The following COL5A1 variants were observed in gnomAD, a reference collection of about 807,000 sequenced individuals.
The protein encoded by COL5A1 is collagen alpha-1(V) chain.
Under a neutral mutation model 263.7 loss-of-function variants are expected in COL5A1, and 16 were observed. The ratio of observed to expected loss-of-function variants is 0.06; its 90% CI spans 0.04 to 0.09. COL5A1 has a LOEUF of 0.09. Among genes scored for constraint, COL5A1 ranks in the 10% least tolerant of loss-of-function variants. COL5A1 has a pLI of 1.00. For missense variants in COL5A1, 2,036 were observed against 2,540.5 expected, an observed-to-expected ratio of 0.80 and a Z score of 4.27; for synonymous variants, 1,012 against 1,004.5, an observed-to-expected ratio of 1.01 and a Z score of -0.14.
At chr9:134,805,238 C>G in intron 41 of COL5A1, 24 bp downstream of exon 41, 1 of 1,613,416 alleles carries the variant, frequency 6.2e-7, no homozygotes, top group Non-Finnish European at 8.5e-7. Flanking sequence ...TTTGTCCCAT[C>G]CTCTTTCTTG....
chr9:134,828,435 A>G (rs1170976568), intron 63 of COL5A1, among the ~76,000 whole-genome samples: 1 of 92,552 alleles, frequency 1.1e-5, no homozygotes, highest in Admixed American at 1.1e-4. Flanking sequence ...GGAAGGTTCT[A>G]CCACACACAC....
chr9:134,673,459 C>CA (rs35466442), intron 1 of COL5A1, among the ~76,000 whole-genome samples: 28,569 of 102,844 alleles, frequency 0.28, 3,136 homozygotes, highest in Admixed American at 0.34. Flanking sequence ...GACTCCATCT[C>CA]AAAAAAAAAA....
chr9:134,708,623 G>A (rs774619113), intron 4 of COL5A1: 2 of 518,788 alleles, frequency 3.9e-6, no homozygotes, highest in African/African-American at 3.8e-5. Flanking sequence ...CCTGGCAGCG[G>A]AACACCAGCA....
chr9:134,812,780 G>GTA, intron 48 of COL5A1, 68 bp downstream of exon 48: 1 of 1,062,706 alleles, frequency 9.4e-7, no homozygotes, highest in Non-Finnish European at 1.4e-6. Context: ...GTGTCTGTGT[G>GTA]TGTGTGTCTG....
intron 34 of COL5A1, 23 bp from the exon 35 acceptor site, chr9:134,796,351 C>A: frequency 1.2e-6 from 2 of 1,612,392 alleles, no homozygotes; most frequent in Admixed American, 3.3e-5. Context: ...ATAAGCTTTT[C>A]CCCCCTCTCC....
intron 25 of COL5A1, among the ~76,000 whole-genome samples, chr9:134,772,495 G>C (rs1239652627): frequency 2.0e-5 from 3 of 152,216 alleles, no homozygotes; most frequent in Non-Finnish European, 2.9e-5. Context: ...CTGTGCACTT[G>C]GGGGTTGCTG....
chr9:134,760,508 G>GCA, intron 18 of COL5A1, among the ~76,000 whole-genome samples: 1 of 42,980 alleles, frequency 2.3e-5, no homozygotes, highest in East Asian at 1.1e-3. Flanking sequence ...ATGCACACAC[G>GCA]CATACACACC....
intron 42 of COL5A1, among the ~76,000 whole-genome samples, chr9:134,807,898 G>T (rs2132835119): frequency 6.6e-6 from 1 of 152,260 alleles, no homozygotes; most frequent in Non-Finnish European, 1.5e-5. Flanking sequence ...AAATATTTGA[G>T]CAGAAACCTT....
chr9:134,647,627 G>A lies in COL5A1; in HGVS notation c.109+5331G>A, dbSNP rs1229595298. 1.3e-5 allele frequency among the ~76,000 whole-genome samples: 2 copies of A among 152,216 alleles called. No homozygotes were observed. Among genetic ancestry groups the A allele is most frequent in the African/African-American group, 4.8e-5 (2 of 41,462 alleles). On this transcript the variant is annotated intron_variant, in intron 1 of 65. Transcript: ENST00000371817. This position sits in a 1 kb window ranked among gnomAD's most constrained non-coding sequence, Gnocchi z 5.0. Reference sequence around the variant, plus strand: ...TACCGTGACCCGGCCCCAGCTGGACGGGAGAGGAGGAGATGGCACGTGGAA... The same window carrying A: ...TACCGTGACCCGGCCCCAGCTGGACAGGAGAGGAGGAGATGGCACGTGGAA...
Position 134,802,946 on chromosome 9 carries a change from C to T in COL5A1, c.3065C>T (p.Pro1022Leu). The change falls in exon 39 of 66, where the codon CCC becomes CTC. Residue 1022 changes from proline (P) to leucine (L), a missense_variant. Physicochemically the swap from Pro to Leu is moderately conservative, Grantham distance 98 (BLOSUM62 -3). Transcript: ENST00000371817. ...CGTGGCCACCCTGGGCCCCCTGGAC[C>T]CCCCGGTGAACAGGGGCTTCCGGGC... ...GERGHPGPPG[P>L]PGEQGLPGLA... 1.2e-6 allele frequency: 2 copies of T among 1,611,336 alleles called. No homozygotes were observed. Among genetic ancestry groups the T allele is most frequent in the South Asian group, 1.1e-5 (1 of 90,446 alleles).
chr9:134,713,912 C>A (rs2132604319), intron 4 of COL5A1, among the ~76,000 whole-genome samples: 1 of 152,280 alleles, frequency 6.6e-6, no homozygotes, highest in Admixed American at 6.5e-5. Flanking sequence ...GAGACCACAG[C>A]AGACTGAGAC....
In COL5A1 at chr9:134,715,977, C is replaced by CTGG. The variant is rs58511351; in HGVS notation, c.655-11262_655-11260dup. 1.1e-3 allele frequency among the ~76,000 whole-genome samples: 167 copies of CTGG among 149,684 alleles called. 1 individual carries two copies. The highest frequency in any genetic ancestry group is 3.6e-3 in the African/African-American group (145 of 40,696). ...GGTAGTGATGAAGATGATGGTGATG[C>CTGG]TGGTGGTGGTGGTGGTGGTGGTGGT... On this transcript the variant is annotated intron_variant, in intron 4 of 65. Coordinates refer to ENST00000371817, the MANE Select transcript of COL5A1 (RefSeq NM_000093.5).
chr9:134,679,658 TGGG>T (rs1165230896), intron 1 of COL5A1, among the ~76,000 whole-genome samples: 9 of 26,448 alleles, frequency 3.4e-4, no homozygotes, highest in Non-Finnish European at 5.6e-4. Context: ...CGGGGCTGGT[TGGG>T]GGCACTGCGG....
rs564736414 is a variant in COL5A1 at position 134,778,945 on chromosome 9, G to A, written c.2386-1157G>A. 4.6e-5 allele frequency among the ~76,000 whole-genome samples: 7 copies of A among 152,368 alleles called. No individual in the cohort carries two copies. The South Asian group carries it at 1.2e-3, about 27-fold the overall frequency. Reference sequence around the variant, plus strand: ...CAGCTCCTTGGCAGAGCCAGGGCACGCAGCCCAAGGCCAGCCACCTCTGCA... The same window carrying A: ...CAGCTCCTTGGCAGAGCCAGGGCACACAGCCCAAGGCCAGCCACCTCTGCA... On this transcript the variant is annotated intron_variant, in intron 27 of 65. Coordinates refer to ENST00000371817, the MANE Select transcript of COL5A1 (RefSeq NM_000093.5).
rs1831530244 is a variant in COL5A1 at position 134,647,908 on chromosome 9, TGTG to T, written c.109+5618_109+5620del. Among the ~76,000 whole-genome samples the T allele has an allele frequency of 6.6e-6, 1 of 152,208 alleles. No individual in the cohort carries two copies. The highest frequency in any genetic ancestry group is 2.4e-5 in the African/African-American group (1 of 41,456). On this transcript the variant is annotated intron_variant, in intron 1 of 65. Transcript: ENST00000371817. This position sits in a 1 kb window ranked among gnomAD's most constrained non-coding sequence, Gnocchi z 5.0. ...TGCAGGCGGAGCCCACAGCGGCCCT[TGTG>T]GTGGTTACTACTGAGTGTCAATTTG...
At chr9:134,814,136 C>A in intron 49 of COL5A1, 100 bp downstream of exon 49, 1 of 1,225,448 alleles carries the variant, frequency 8.2e-7, no homozygotes, top group Non-Finnish European at 1.2e-6. Flanking sequence ...GCTTTTCCAT[C>A]CACGAAATGG....
At chr9:134,760,157 GCA>G (rs1181420325) in intron 18 of COL5A1, among the ~76,000 whole-genome samples, 3 of 83,148 alleles carry the variant, frequency 3.6e-5, no homozygotes, top group South Asian at 4.3e-4. Flanking sequence ...CACCACACAT[GCA>G]CACACATACA....
At chr9:134,668,777 C>G (rs1832433285) in intron 1 of COL5A1, among the ~76,000 whole-genome samples, 1 of 151,920 alleles carries the variant, frequency 6.6e-6, no homozygotes, top group Non-Finnish European at 1.5e-5. Context: ...TCCATGTGTC[C>G]ATATACTCAT....
At chr9:134,808,614 CTTG>C (rs1838388692) in intron 42 of COL5A1, among the ~76,000 whole-genome samples, 1 of 151,980 alleles carries the variant, frequency 6.6e-6, no homozygotes, top group African/African-American at 2.4e-5. Context: ...TGCGAGTATG[CTTG>C]TTTTGTGCAC....
Sources: gnomAD v4.1 joint callset for allele counts (sites outside exome capture counted in the v4.1 genomes callset) on GRCh38, gnomAD v4.1.1 for gene constraint, Gnocchi (gnomAD v3.1) non-coding constraint, MANE v1.5 for transcripts, NCBI Gene and HGNC (gene_info 2026-07-23, HGNC 2026-07-21) for gene names.